The following ITPR2 variants were observed in gnomAD, a reference collection of about 807,000 sequenced individuals.
ITPR2 encodes the protein inositol 1,4,5-trisphosphate receptor type 2, also known as inositol 1,4,5-trisphosphate-gated calcium channel ITPR2.
In ITPR2, 207 loss-of-function variants were observed where a neutral mutation model predicts 317.1. That is an observed-to-expected ratio of 0.65 (90% confidence interval 0.58 to 0.73). The LOEUF is 0.73. Ranked by LOEUF, ITPR2 falls within the 30% of genes least tolerant of loss-of-function variation. The pLI, the probability that ITPR2 is intolerant of heterozygous loss-of-function variation, is 0.00. For synonymous variants in ITPR2, 1,156 were observed against 1,149.1 expected (o/e 1.01, Z -0.12); for missense variants, 2,613 against 3,284.0 (o/e 0.80, Z 4.99).
At chr12:26,374,596 G>C (rs1939285034) in intron 55 of ITPR2, among the ~76,000 whole-genome samples, 1 of 152,144 alleles carries the variant, frequency 6.6e-6, no homozygotes, top group African/African-American at 2.4e-5. Context: ...AGTAGATGTG[G>C]GAGATTAAAC....
chr12:26,462,295 T>A (rs1484933276), intron 45 of ITPR2, among the ~76,000 whole-genome samples: 1 of 152,008 alleles, frequency 6.6e-6, no homozygotes, highest in Non-Finnish European at 1.5e-5. Flanking sequence ...GCTTCCTGAG[T>A]AGCTGGGACT....
chr12:26,644,552 G>A (rs1413656044), intron 21 of ITPR2, among the ~76,000 whole-genome samples: 1 of 152,166 alleles, frequency 6.6e-6, no homozygotes, highest in East Asian at 1.9e-4. Flanking sequence ...TCACAATCAT[G>A]GCTGAAGGCA....
chr12:26,633,140 A>G, intron 21 of ITPR2, among the ~76,000 whole-genome samples: 1 of 77,996 alleles, frequency 1.3e-5, no homozygotes, highest in East Asian at 1.3e-3. Flanking sequence ...TGAGATTTTT[A>G]TTAAAAAAAA....
intron 52 of ITPR2, among the ~76,000 whole-genome samples, chr12:26,410,465 C>T (rs901599321): frequency 6.6e-6 from 1 of 152,148 alleles, no homozygotes. Flanking sequence ...GGAAAGAAAG[C>T]ACTATCATTA....
At chr12:26,375,280 A>T (rs914403553) in intron 55 of ITPR2, among the ~76,000 whole-genome samples, 2 of 152,254 alleles carry the variant, frequency 1.3e-5, no homozygotes, top group African/African-American at 4.8e-5. Context: ...TAAGGTTATG[A>T]GAATCAGAGA....
intron 9 of ITPR2, among the ~76,000 whole-genome samples, chr12:26,708,352 TACATCAAC>T (rs1326236800): frequency 6.6e-6 from 1 of 152,154 alleles, no homozygotes; most frequent in African/African-American, 2.4e-5. Context: ...AACCTAAGTA[TACATCAAC>T]AGATGAATGG....
chr12:26,355,323 A>G (rs4963986), intron 55 of ITPR2, among the ~76,000 whole-genome samples: 148,638 of 152,338 alleles, frequency 0.98, 72,631 homozygotes, highest in Non-Finnish European at 1. Context: ...ATGTAGAGAC[A>G]AGGACATTAG....
At chr12:26,800,077 A>T (rs1950528325) in intron 1 of ITPR2, among the ~76,000 whole-genome samples, 1 of 151,988 alleles carries the variant, frequency 6.6e-6, no homozygotes, top group South Asian at 2.1e-4. Flanking sequence ...TCAGAAACCC[A>T]CCTAGTCTCA....
chr12:26,690,766 C>T (rs1158284090), intron 10 of ITPR2, among the ~76,000 whole-genome samples: 3 of 152,150 alleles, frequency 2.0e-5, no homozygotes, highest in African/African-American at 7.2e-5. Flanking sequence ...CACACTGCAA[C>T]AATTAGACTG....
intron 36 of ITPR2, among the ~76,000 whole-genome samples, chr12:26,552,706 T>G (rs1944557093): frequency 6.6e-6 from 1 of 151,958 alleles, no homozygotes; most frequent in African/African-American, 2.4e-5. Flanking sequence ...ACGCAACACT[T>G]TTTTTTTAAT....
intron 2 of ITPR2, among the ~76,000 whole-genome samples, chr12:26,750,779 A>G (rs1441591691): frequency 6.6e-6 from 1 of 152,230 alleles, no homozygotes; most frequent in African/African-American, 2.4e-5. Flanking sequence ...TATATGAATG[A>G]ACAGAAGTCG....
chr12:26,400,937 T>A (rs116714342), intron 52 of ITPR2: 129 of 152,296 alleles, frequency 8.5e-4, no homozygotes, highest in African/African-American at 3.0e-3. Flanking sequence ...GTTTAAGAAT[T>A]ACCTTTAGCC....
At chr12:26,768,087 G>A (rs1949756267) in intron 2 of ITPR2, among the ~76,000 whole-genome samples, 1 of 152,088 alleles carries the variant, frequency 6.6e-6, no homozygotes, top group South Asian at 2.1e-4. Flanking sequence ...TTTAACATGT[G>A]CTTTTTCCCC....
chr12:26,682,667 T>C lies in ITPR2; in HGVS notation c.1155A>G (p.Ser385=), dbSNP rs752117686. The C allele has an allele frequency of 1.9e-6, 3 of 1,608,120 alleles. No individual in the cohort carries two copies. Among genetic ancestry groups the C allele is most frequent in the Non-Finnish European group, 1.7e-6 (2 of 1,175,660 alleles). ...TGCATAAATGCCTTAACCGAACATATGAGTTCCTAAAAGCAAAACAATATA... is the reference window on the plus strand; with the variant it reads ...TGCATAAATGCCTTAACCGAACATACGAGTTCCTAAAAGCAAAACAATATA... ...QRADCLVPRN[S]YVRLRHLCTN... Residue 385 remains serine (S), a synonymous_variant, in exon 12 of 57, where the codon TCA becomes TCG. Transcript: ENST00000381340.
At chr12:26,610,617 A>G (rs1242678455) in intron 26 of ITPR2, among the ~76,000 whole-genome samples, 1 of 152,234 alleles carries the variant, frequency 6.6e-6, no homozygotes, top group Non-Finnish European at 1.5e-5. Flanking sequence ...TCAAACTCCT[A>G]TGAGGAACAT....
intron 2 of ITPR2, among the ~76,000 whole-genome samples, chr12:26,775,902 C>CAAG (rs566901035): frequency 0.022 from 3,036 of 135,934 alleles, 139 homozygotes; most frequent in African/African-American, 0.074. Flanking sequence ...GTGATCGTGT[C>CAAG]AGTCAATACC....
intron 3 of ITPR2, among the ~76,000 whole-genome samples, chr12:26,725,289 T>A (rs1439304822): frequency 1.3e-5 from 2 of 152,212 alleles, no homozygotes; most frequent in African/African-American, 4.8e-5. Context: ...TAAACAATGG[T>A]CTTTCAATTA....
chr12:26,655,986 G>T, intron 19 of ITPR2, 134 bp from the exon 20 acceptor site: 2 of 847,378 alleles, frequency 2.4e-6, no homozygotes, highest in Non-Finnish European at 3.7e-6. Context: ...GTCCTCATCT[G>T]TAAAATGGGG....
intron 34 of ITPR2, among the ~76,000 whole-genome samples, chr12:26,563,089 C>T (rs979269998): frequency 6.6e-6 from 1 of 152,142 alleles, no homozygotes; most frequent in African/African-American, 2.4e-5. Flanking sequence ...AGGCCCTCCT[C>T]CCTCTGATTA....
Sources: gnomAD v4.1 joint callset for allele counts (sites outside exome capture counted in the v4.1 genomes callset) on GRCh38, gnomAD v4.1.1 for gene constraint, MANE v1.5 for transcripts, NCBI Gene and HGNC (gene_info 2026-07-23, HGNC 2026-07-21) for gene names.